GPR149: variants seen among roughly 807,000 people sequenced by gnomAD.
GPR149 encodes probable G protein-coupled receptor 149.
GPR149 carries 50 observed loss-of-function variants against 50.2 expected under a neutral mutation model. The ratio of observed to expected loss-of-function variants is 1.00; its 90% CI spans 0.79 to 1.26. GPR149 has a LOEUF of 1.26. Among genes scored for constraint, GPR149 ranks in the 50% most tolerant of loss-of-function variants. The pLI, the probability that GPR149 is intolerant of heterozygous loss-of-function variation, is 0.00. For missense variants in GPR149, 983 were observed against 895.4 expected (o/e 1.10, Z -1.25); for synonymous variants, 405 against 358.2 (o/e 1.13, Z -1.48).
chr3:154,423,122 C>G (rs888381292), intron 2 of GPR149, among the ~76,000 whole-genome samples: 1 of 151,754 alleles, frequency 6.6e-6, no homozygotes, highest in African/African-American at 2.4e-5. Context: ...GAGACTTCAC[C>G]TCCATGTCAC....
chr3:154,375,646 A>G (rs1384751869), intron 3 of GPR149, among the ~76,000 whole-genome samples: 1 of 152,184 alleles, frequency 6.6e-6, no homozygotes, highest in Admixed American at 6.5e-5. Flanking sequence ...GTCCCTGATT[A>G]TGGAAAGTAT....
chr3:154,356,616 A>G (rs915974296), intron 3 of GPR149, among the ~76,000 whole-genome samples: 19 of 152,230 alleles, frequency 1.2e-4, no homozygotes, highest in African/African-American at 3.6e-4. Flanking sequence ...TAGGAATCCA[A>G]CTTACAAGGG....
intron 3 of GPR149, chr3:154,352,424 T>A: frequency 1.1e-6 from 1 of 899,128 alleles, no homozygotes. Context: ...CCTGTAACCT[T>A]TCTGATTCAG....
At chr3:154,355,153 G>A (rs1285343184) in intron 3 of GPR149, among the ~76,000 whole-genome samples, 2 of 152,064 alleles carry the variant, frequency 1.3e-5, no homozygotes, top group African/African-American at 4.8e-5. Flanking sequence ...TCAGCCTCCT[G>A]TGTAGCTGGG....
rs187308665 is a variant in GPR149 at position 154,397,639 on chromosome 3, C to A, written c.1623+23400G>T. Among the ~76,000 whole-genome samples, 324 of 152,146 alleles carry A rather than the reference C, an allele frequency of 2.1e-3. 1 individual carries two copies. The highest frequency in any genetic ancestry group is 7.2e-3 in the African/African-American group (297 of 41,504). ...AATACTATATAATATTGTGTTGCTG[C>A]ACATCACGAGTCCTAATTTGTCGCA... On this transcript the variant is annotated intron_variant, in intron 3 of 3. Transcript: ENST00000389740.
intron 3 of GPR149, among the ~76,000 whole-genome samples, chr3:154,356,065 G>A (rs1299573483): frequency 6.6e-6 from 1 of 152,178 alleles, no homozygotes; most frequent in Non-Finnish European, 1.5e-5. Flanking sequence ...TAGTGACAGG[G>A]AATAAGAGTA....
intron 3 of GPR149, among the ~76,000 whole-genome samples, chr3:154,385,305 CG>C (rs1559981441): frequency 6.6e-6 from 1 of 152,142 alleles, no homozygotes; most frequent in African/African-American, 2.4e-5. Flanking sequence ...AAATTTAGAG[CG>C]GGCTTTCATA....
Position 154,338,133 on chromosome 3 carries a change from T to C in GPR149, c.1762A>G (p.Lys588Glu), listed in dbSNP as rs1713700590. Residue 588 changes from lysine (K) to glutamate (E), a missense_variant, in exon 4 of 4, where the codon AAA (lysine) becomes GAA (glutamate). Coordinates refer to ENST00000389740, the MANE Select transcript of GPR149 (RefSeq NM_001038705.3). ...EGQKITPASK[K>E]IEVYRSKSVG... ...CTTTTGGATCGATAGACTTCTATTTTCTTAGAGGCTGGAGTTATTTTTTGC... is the reference window on the plus strand; with the variant it reads ...CTTTTGGATCGATAGACTTCTATTTCCTTAGAGGCTGGAGTTATTTTTTGC... The C allele has an allele frequency of 6.2e-7, 1 of 1,614,050 alleles. No individual in the cohort carries two copies. The highest frequency in any genetic ancestry group is 2.2e-5 in the East Asian group (1 of 44,890).
chr3:154,355,536 T>C (rs1160710537), intron 3 of GPR149, among the ~76,000 whole-genome samples: 7 of 152,338 alleles, frequency 4.6e-5, no homozygotes, highest in African/African-American at 1.7e-4. Context: ...TCTCTTAGAA[T>C]GGCATTTCAA....
At chr3:154,410,584 A>G (rs1711806889) in intron 3 of GPR149, among the ~76,000 whole-genome samples, 1 of 152,194 alleles carries the variant, frequency 6.6e-6, no homozygotes, top group Admixed American at 6.5e-5. Context: ...CAGCAGTTTA[A>G]AAAGACAAAG....
At chr3:154,373,756 C>T (rs1430476769) in intron 3 of GPR149, among the ~76,000 whole-genome samples, 4 of 152,190 alleles carry the variant, frequency 2.6e-5, no homozygotes, top group Non-Finnish European at 5.9e-5. Flanking sequence ...CCTCTCAGGA[C>T]TCCTTTATTC....
intron 3 of GPR149, among the ~76,000 whole-genome samples, chr3:154,338,700 CT>C (rs1020998694): frequency 3.3e-5 from 5 of 151,678 alleles, no homozygotes; most frequent in East Asian, 1.9e-4. Flanking sequence ...TCAACATGAA[CT>C]TTTTTTTTCT....
At chr3:154,340,297 G>C (rs546486532) in intron 3 of GPR149, among the ~76,000 whole-genome samples, 1 of 152,186 alleles carries the variant, frequency 6.6e-6, no homozygotes, top group South Asian at 2.1e-4. Flanking sequence ...CAGTCCAGCC[G>C]TCTGCCAAGG....
At chr3:154,416,030 G>A (rs1404662385) in intron 3 of GPR149, among the ~76,000 whole-genome samples, 1 of 151,714 alleles carries the variant, frequency 6.6e-6, no homozygotes, top group East Asian at 1.9e-4. Context: ...GACAAGTTTA[G>A]GCATCTTCAT....
At chr3:154,393,757 T>C (rs898435006) in intron 3 of GPR149, among the ~76,000 whole-genome samples, 1 of 151,988 alleles carries the variant, frequency 6.6e-6, no homozygotes, top group African/African-American at 2.4e-5. Flanking sequence ...AAAAATTAGC[T>C]GTGTTTCTAT....
At chr3:154,348,668 AC>A (rs1357174177) in intron 3 of GPR149, among the ~76,000 whole-genome samples, 2 of 152,158 alleles carry the variant, frequency 1.3e-5, no homozygotes, top group African/African-American at 4.8e-5. Context: ...GGAGACTTCA[AC>A]CCCTCTCTCG....
intron 3 of GPR149, among the ~76,000 whole-genome samples, chr3:154,417,323 T>C (rs867100138): frequency 1.3e-5 from 2 of 152,152 alleles, no homozygotes; most frequent in African/African-American, 4.8e-5. Context: ...TCAATTCTTG[T>C]AAATTTTATG....
intron 3 of GPR149, chr3:154,352,381 C>T (rs1284897217): frequency 8.8e-7 from 1 of 1,133,654 alleles, no homozygotes; most frequent in Non-Finnish European, 1.3e-6. Flanking sequence ...TTGGCTGGCA[C>T]TGAGAGTATC....
rs531178332 is a variant in GPR149 at position 154,390,536 on chromosome 3, A to C, written c.1623+30503T>G. Reference sequence around the variant, plus strand: ...ATTATCTAGTTAGAAAAGCAAAGAGAAAAAAGAATGAAGAAAGCTTAAGGG... The same window carrying C: ...ATTATCTAGTTAGAAAAGCAAAGAGCAAAAAGAATGAAGAAAGCTTAAGGG... On this transcript the variant is annotated intron_variant, in intron 3 of 3. Coordinates refer to ENST00000389740, the MANE Select transcript of GPR149 (RefSeq NM_001038705.3). Among the ~76,000 whole-genome samples the C allele has an allele frequency of 3.3e-5, 5 of 152,170 alleles. No individual in the cohort carries two copies. In the East Asian group the frequency reaches 9.7e-4, roughly 29 times the overall value.
Sources: allele counts gnomAD v4.1 joint callset (sites outside exome capture counted in the v4.1 genomes callset), GRCh38; gene constraint gnomAD v4.1.1; transcripts MANE v1.5; gene names NCBI Gene and HGNC (gene_info 2026-07-23, HGNC 2026-07-21).